The following TANC2 variants were observed in gnomAD, a reference collection of about 807,000 sequenced individuals.
TANC2 encodes the protein protein TANC2.
TANC2 carries 26 observed loss-of-function variants against 210.5 expected under a neutral mutation model. The ratio of observed to expected loss-of-function variants is 0.12; its 90% CI spans 0.09 to 0.17. The LOEUF is 0.17. TANC2 is among the 10% of genes least tolerant of loss of function. The pLI, the probability that TANC2 is intolerant of heterozygous loss-of-function variation, is 1.00. For missense variants in TANC2, 2,129 were observed against 2,608.9 expected (o/e 0.82, Z 4.01); for synonymous variants, 931 against 967.1 (o/e 0.96, Z 0.69).
chr17:63,410,860 C>CAAAAAAAAAAAAAAAA (rs34268418), intron 21 of TANC2, among the ~76,000 whole-genome samples: 2 of 38,994 alleles, frequency 5.1e-5, no homozygotes, highest in East Asian at 1.6e-3. Flanking sequence ...GACTCCATCT[C>CAAAAAAAAAAAAAAAA]AAAAAAAAAA....
At chr17:63,318,782 A>G (rs1427561936) in intron 10 of TANC2, among the ~76,000 whole-genome samples, 175 bp from the exon 11 acceptor site, 3 of 152,132 alleles carry the variant, frequency 2.0e-5, no homozygotes, top group Admixed American at 1.3e-4. Flanking sequence ...GCTATTATGA[A>G]TCGTTCTTCT....
intron 4 of TANC2, among the ~76,000 whole-genome samples, chr17:63,147,777 T>A (rs1018618278): frequency 3.3e-5 from 5 of 152,230 alleles, no homozygotes; most frequent in African/African-American, 1.2e-4. Context: ...GATACTCTAC[T>A]AAGGCATAAC....
Position 63,244,200 on chromosome 17 carries a change from G to A in TANC2, c.1033+6123G>A, listed in dbSNP as rs938759746. 2.0e-5 allele frequency among the ~76,000 whole-genome samples: 3 copies of A among 152,154 alleles called. No individual in the cohort carries two copies. The East Asian group carries it at 5.8e-4, about 29-fold the overall frequency. On this transcript the variant is annotated intron_variant, in intron 8 of 27. Coordinates refer to ENST00000689528, the Ensembl canonical transcript of TANC2. The stretch of plus-strand genomic sequence containing the variant: ...CGGGTCATTTTTGGTCCTCCAGAAA[G>A]TCAACAAGCAAAATGTCTTGATCAC...
At chr17:62,979,083 C>G (rs2032171280) in intron 1 of TANC2, among the ~76,000 whole-genome samples, 2 of 151,988 alleles carry the variant, frequency 1.3e-5, no homozygotes, top group African/African-American at 4.8e-5. Context: ...GCAGCATGTA[C>G]ACGTTATACC....
Position 63,418,456 on chromosome 17 carries a change from T to C in TANC2, c.4268+49T>C. 1 of 1,569,580 alleles carries C rather than the reference T, an allele frequency of 6.4e-7. No homozygotes were observed. Among genetic ancestry groups the C allele is most frequent in the Non-Finnish European group, 8.7e-7 (1 of 1,155,618 alleles). ...AAGCAAGAGGTCTCTTTTCTGAAAA[T>C]TTGGCCAAGGCAGCGTCGGCCACCC... On this transcript the variant is annotated intron_variant, in intron 27 of 27. Coordinates refer to ENST00000689528, the Ensembl canonical transcript of TANC2. This position sits in a 1 kb window ranked among gnomAD's most constrained non-coding sequence, Gnocchi z 4.6.
intron 14 of TANC2, among the ~76,000 whole-genome samples, chr17:63,367,511 C>A (rs1474896378): frequency 6.6e-6 from 1 of 152,098 alleles, no homozygotes; most frequent in Non-Finnish European, 1.5e-5. Flanking sequence ...AGATTGGATA[C>A]CCCTGCTCTA....
chr17:63,049,463 A>T lies in TANC2; in HGVS notation c.68-24480A>T, dbSNP rs1198899589. Reference sequence around the variant, plus strand: ...ACCCAAAGGAGATGCAGGACAAGCCATGCGGACATCTGGGAGAGAAGTATT... The same window carrying T: ...ACCCAAAGGAGATGCAGGACAAGCCTTGCGGACATCTGGGAGAGAAGTATT... On this transcript the variant is annotated intron_variant, in intron 2 of 27. Transcript: ENST00000689528. Among the ~76,000 whole-genome samples, 3 of 152,196 alleles carry T rather than the reference A, an allele frequency of 2.0e-5. No homozygotes were observed. The East Asian group carries it at 5.8e-4, about 29-fold the overall frequency.
At chr17:63,099,249 A>G in exon 4 of TANC2, 2 of 1,609,374 alleles carry the variant, frequency 1.2e-6, no homozygotes, top group Non-Finnish European at 1.7e-6. Flanking sequence ...GAGTGAAGGT[A>G]TGCAGCACAT....
intron 4 of TANC2, among the ~76,000 whole-genome samples, chr17:63,100,845 A>C (rs541941211): frequency 1.3e-5 from 2 of 152,286 alleles, no homozygotes; most frequent in African/African-American, 4.8e-5. Flanking sequence ...ACCTAATATC[A>C]CAGAGGTATT....
At chr17:63,267,694 T>C (rs1368076611) in intron 8 of TANC2, 54 bp from the exon 9 acceptor site, 1 of 1,585,676 alleles carries the variant, frequency 6.3e-7, no homozygotes, top group Non-Finnish European at 8.6e-7. Flanking sequence ...ACAGACTAGC[T>C]GAAAGACATT....
intron 15 of TANC2, among the ~76,000 whole-genome samples, chr17:63,381,835 T>C (rs1314225584): frequency 6.6e-6 from 1 of 152,208 alleles, no homozygotes. Flanking sequence ...GTTTTGTAAA[T>C]TTAGATTCTA....
At chr17:63,188,843 A>G (rs2041087443) in intron 5 of TANC2, among the ~76,000 whole-genome samples, 4 of 152,208 alleles carry the variant, frequency 2.6e-5, no homozygotes, top group South Asian at 4.1e-4. Context: ...ATACTTTAGT[A>G]TATTTACAGA....
intron 19 of TANC2, 75 bp downstream of exon 19, chr17:63,398,989 T>C (rs1369861046): frequency 9.0e-7 from 1 of 1,113,888 alleles, no homozygotes; most frequent in Non-Finnish European, 1.3e-6. Flanking sequence ...CCTTATTTTT[T>C]CCCTGGCATA....
At chr17:63,093,299 T>C (rs1264570509) in intron 3 of TANC2, among the ~76,000 whole-genome samples, 1 of 152,062 alleles carries the variant, frequency 6.6e-6, no homozygotes, top group African/African-American at 2.4e-5. Flanking sequence ...TTTTCATGAG[T>C]AGAGGTATGC....
At chr17:63,048,705 A>G (rs1290635827) in intron 2 of TANC2, among the ~76,000 whole-genome samples, 2 of 152,324 alleles carry the variant, frequency 1.3e-5, no homozygotes, top group Middle Eastern at 3.4e-3. Context: ...CAGAAAACCA[A>G]GTACTACATG....
chr17:63,255,059 TTTTATTTATTTATTTATTTATTTA>T lies in TANC2; in HGVS notation c.1034-12665_1034-12642del, dbSNP rs141802789. Among the ~76,000 whole-genome samples, 12 of 144,586 alleles carry T rather than the reference TTTTATTTATTTATTTATTTATTTA, an allele frequency of 8.3e-5. No homozygotes were observed. In the East Asian group the frequency reaches 1.4e-3, roughly 17 times the overall value. 94.9% of individuals were successfully genotyped at this position (144,586 alleles called of 152,430 possible). ...TTGAGTAGGATTGGGAATAGTTATT[TTTTATTTATTTATTTATTTATTTA>T]TTTATTTATTTATTTATTTATTTTT... On this transcript the variant is annotated intron_variant, in intron 8 of 27. Transcript: ENST00000689528.
Position 63,151,258 on chromosome 17 carries a change from T to C in TANC2, c.323-12T>C, listed in dbSNP as rs761170694. 26 of 981,984 alleles carry C rather than the reference T, an allele frequency of 2.6e-5. No individual in the cohort carries two copies. Among genetic ancestry groups the C allele is most frequent in the African/African-American group, 8.7e-5 (5 of 57,148 alleles). 60.8% of individuals were successfully genotyped at this position (981,984 alleles called of 1,614,324 possible). A position where few individuals can be genotyped will look rare whatever the true frequency, so the allele number is the denominator to read the frequency against. ...TGTCTCTTGCTTGCTCTCTCTCTCT[T>C]TTTGTTCTTAGCCCCTCTGAGGAAG... is the stretch of plus-strand genomic sequence containing the variant. On this transcript the variant is annotated splice_polypyrimidine_tract_variant and intron_variant, in intron 4 of 27. Coordinates refer to ENST00000689528, the Ensembl canonical transcript of TANC2.
chr17:63,280,572 T>A (rs893140893), intron 9 of TANC2, among the ~76,000 whole-genome samples: 3 of 152,118 alleles, frequency 2.0e-5, no homozygotes, highest in Admixed American at 2.0e-4. Flanking sequence ...TACTAAGATA[T>A]GATGAAAATA....
intron 3 of TANC2, among the ~76,000 whole-genome samples, chr17:63,085,885 T>C (rs1004091903): frequency 6.6e-5 from 10 of 152,196 alleles, no homozygotes; most frequent in African/African-American, 2.4e-4. Flanking sequence ...TTCTGACCTA[T>C]ATCATTTTAT....
Sources: allele counts gnomAD v4.1 joint callset (sites outside exome capture counted in the v4.1 genomes callset), GRCh38; gene constraint gnomAD v4.1.1; non-coding constraint Gnocchi (gnomAD v3.1); transcripts MANE v1.5; gene names NCBI Gene and HGNC (gene_info 2026-07-23, HGNC 2026-07-21).